C1orf21: variants seen among roughly 807,000 people sequenced by gnomAD.
C1orf21 encodes the protein uncharacterized protein C1orf21.
A neutral mutation model predicts 18.7 loss-of-function variants in C1orf21; 3 were observed. That is an observed-to-expected ratio of 0.16 (90% CI 0.07 to 0.42). The LOEUF (loss-of-function observed/expected upper bound fraction) is 0.42. Among genes scored for constraint, C1orf21 ranks in the 10% least tolerant of loss-of-function variants. The pLI is 0.99. For synonymous variants in C1orf21, 41 were observed against 46.4 expected (o/e 0.88, Z 0.47); for missense variants, 104 against 143.6 (o/e 0.72, Z 1.41).
At chr1:184,547,995 G>A (rs1291625983) in intron 3 of C1orf21, among the ~76,000 whole-genome samples, 1 of 152,108 alleles carries the variant, frequency 6.6e-6, no homozygotes, top group Non-Finnish European at 1.5e-5. Context: ...ACCATCTCCT[G>A]CTCCTCCTGA....
At chr1:184,390,818 G>A (rs766336879) in intron 1 of C1orf21, among the ~76,000 whole-genome samples, 12 of 152,100 alleles carry the variant, frequency 7.9e-5, no homozygotes, top group Admixed American at 2.0e-4. Context: ...TAAAAGTCCC[G>A]TAGCATGCAG....
chr1:184,515,663 A>C (rs1658213891), intron 3 of C1orf21, among the ~76,000 whole-genome samples: 1 of 152,192 alleles, frequency 6.6e-6, no homozygotes, highest in Non-Finnish European at 1.5e-5. Context: ...TTTAAGGAAA[A>C]TATTAAGGAC....
At chr1:184,417,794 A>G (rs1450065166) in intron 1 of C1orf21, among the ~76,000 whole-genome samples, 5 of 152,224 alleles carry the variant, frequency 3.3e-5, no homozygotes, top group Non-Finnish European at 5.9e-5. Flanking sequence ...GGTGAAAGCA[A>G]ATGTTTTCTT....
At chr1:184,569,241 T>C (rs1196398233) in intron 3 of C1orf21, among the ~76,000 whole-genome samples, 1 of 152,232 alleles carries the variant, frequency 6.6e-6, no homozygotes, top group African/African-American at 2.4e-5. Context: ...CTGGAGGAAC[T>C]GGAGTTGTTC....
chr1:184,524,325 T>C (rs1444327352), intron 3 of C1orf21, among the ~76,000 whole-genome samples: 2 of 152,184 alleles, frequency 1.3e-5, no homozygotes, highest in Non-Finnish European at 2.9e-5. Context: ...ACTAAAGACT[T>C]TGTTAATTCT....
At chr1:184,419,118 G>A (rs1391933761) in intron 1 of C1orf21, among the ~76,000 whole-genome samples, 1 of 152,016 alleles carries the variant, frequency 6.6e-6, no homozygotes. Flanking sequence ...ATGTCAAACA[G>A]CCCCGGATCT....
At chr1:184,423,852 ACCCATCG>A (rs1357381146) in intron 1 of C1orf21, among the ~76,000 whole-genome samples, 1 of 144,236 alleles carries the variant, frequency 6.9e-6, no homozygotes, top group African/African-American at 2.7e-5. Context: ...TCATCCATCC[ACCCATCG>A]TCCATCCATC....
At chr1:184,457,471 A>G (rs1417096779) in intron 1 of C1orf21, among the ~76,000 whole-genome samples, 2 of 146,236 alleles carry the variant, frequency 1.4e-5, no homozygotes, top group South Asian at 2.1e-4. Context: ...ATATATATAT[A>G]TATTTTTACA....
chr1:184,528,956 A>G (rs921658794), intron 3 of C1orf21, among the ~76,000 whole-genome samples: 1 of 152,158 alleles, frequency 6.6e-6, no homozygotes, highest in South Asian at 2.1e-4. Flanking sequence ...ATTGATGAAT[A>G]TGAATCGTTT....
intron 2 of C1orf21, among the ~76,000 whole-genome samples, chr1:184,489,355 C>T (rs1298055674): frequency 3.3e-5 from 5 of 152,042 alleles, no homozygotes; most frequent in African/African-American, 1.2e-4. Flanking sequence ...TTCTACTTCT[C>T]AGTAATAAAA....
chr1:184,551,410 TACC>T (rs1658811093), intron 3 of C1orf21, among the ~76,000 whole-genome samples: 1 of 152,170 alleles, frequency 6.6e-6, no homozygotes, highest in Non-Finnish European at 1.5e-5. Flanking sequence ...CAACTCAAAT[TACC>T]ACAAGTAAAT....
intron 3 of C1orf21, among the ~76,000 whole-genome samples, chr1:184,545,427 A>G (rs542379684): frequency 6.6e-6 from 1 of 151,596 alleles, no homozygotes; most frequent in African/African-American, 2.4e-5. Flanking sequence ...TGTAGCATAT[A>G]TTTTTTTTTC....
intron 3 of C1orf21, among the ~76,000 whole-genome samples, chr1:184,520,514 G>A (rs929132928): frequency 1.3e-5 from 2 of 152,050 alleles, no homozygotes; most frequent in Non-Finnish European, 2.9e-5. Context: ...GGAACAGCAG[G>A]GAACGCCAAC....
intron 2 of C1orf21, among the ~76,000 whole-genome samples, chr1:184,483,063 A>G (rs1307378785): frequency 6.6e-6 from 1 of 152,218 alleles, no homozygotes; most frequent in African/African-American, 2.4e-5. Context: ...TAAGTGTTGA[A>G]GCATAAAAAG....
At chr1:184,506,337 A>T (rs779158552) in intron 2 of C1orf21, among the ~76,000 whole-genome samples, 2 of 152,212 alleles carry the variant, frequency 1.3e-5, no homozygotes, top group African/African-American at 2.4e-5. Flanking sequence ...TATTACTGTA[A>T]CGAACATCTT....
intron 3 of C1orf21, among the ~76,000 whole-genome samples, chr1:184,510,031 C>T (rs2101964873): frequency 6.6e-6 from 1 of 152,296 alleles, no homozygotes; most frequent in East Asian, 1.9e-4. Context: ...CAGTGCTTAG[C>T]ACATGATAAG....
At chr1:184,549,108 A>G (rs984087206) in intron 3 of C1orf21, among the ~76,000 whole-genome samples, 2 of 152,164 alleles carry the variant, frequency 1.3e-5, no homozygotes, top group Admixed American at 6.5e-5. Context: ...AGAGGAGTAC[A>G]TGGCACAAAA....
chr1:184,549,147 T>C (rs1046536856), intron 3 of C1orf21, among the ~76,000 whole-genome samples: 1 of 152,144 alleles, frequency 6.6e-6, no homozygotes, highest in Non-Finnish European at 1.5e-5. Flanking sequence ...GGTGGTGGGC[T>C]CAAGTCCTGC....
At chr1:184,601,355 T>C (rs1375445942) in intron 5 of C1orf21, among the ~76,000 whole-genome samples, 1 of 152,204 alleles carries the variant, frequency 6.6e-6, no homozygotes, top group African/African-American at 2.4e-5. Flanking sequence ...CCTAATTTGT[T>C]ATTGGATACC....
Sources: allele counts gnomAD v4.1 joint callset (sites outside exome capture counted in the v4.1 genomes callset), GRCh38; gene constraint gnomAD v4.1.1; transcripts MANE v1.5; gene names NCBI Gene and HGNC (gene_info 2026-07-23, HGNC 2026-07-21).